TRIM24: variants seen among roughly 807,000 people sequenced by gnomAD.
TRIM24 encodes the protein tripartite motif containing 24.
In TRIM24, 29 loss-of-function variants were observed where a neutral mutation model predicts 123.9. That is an observed-to-expected ratio of 0.23 (90% CI 0.17 to 0.32). The LOEUF (loss-of-function observed/expected upper bound fraction) is 0.32, where lower values mean the gene tolerates loss of function less well. Ranked by LOEUF, TRIM24 falls within the 10% of genes least tolerant of loss-of-function variation. The pLI is 1.00. For missense variants in TRIM24, 932 were observed against 1,295.3 expected (o/e 0.72, Z 4.31); for synonymous variants, 456 against 461.1 (o/e 0.99, Z 0.14).
intron 7 of TRIM24, among the ~76,000 whole-genome samples, chr7:138,545,686 G>A (rs530577468): frequency 3.3e-5 from 5 of 152,202 alleles, no homozygotes; most frequent in Non-Finnish European, 7.4e-5. Flanking sequence ...CCAGATCTTG[G>A]TTTCAAAATA....
At chr7:138,500,714 A>T (rs1192998888) in intron 1 of TRIM24, among the ~76,000 whole-genome samples, 2 of 139,598 alleles carry the variant, frequency 1.4e-5, no homozygotes, top group South Asian at 2.1e-4. Context: ...TCTGTACATT[A>T]AAAAAAAAAA....
intron 6 of TRIM24, among the ~76,000 whole-genome samples, chr7:138,534,484 T>G (rs1464210938): frequency 6.6e-6 from 1 of 152,222 alleles, no homozygotes; most frequent in Non-Finnish European, 1.5e-5. Flanking sequence ...CAGTAGTCAT[T>G]CAGGAGCAGG....
chr7:138,463,043 GTTTTTTTTTTTT>G (rs57719141), intron 1 of TRIM24, among the ~76,000 whole-genome samples: 5 of 60,132 alleles, frequency 8.3e-5, no homozygotes, highest in Admixed American at 2.5e-4. Flanking sequence ...CTAATTTTGT[GTTTTTTTTTTTT>G]TTTTTTTTTT....
At chr7:138,572,298 C>T (rs1797673380) in intron 11 of TRIM24, among the ~76,000 whole-genome samples, 1 of 152,104 alleles carries the variant, frequency 6.6e-6, no homozygotes, top group Non-Finnish European at 1.5e-5. Flanking sequence ...ACAAAGTAAA[C>T]AACTTTCCTT....
intron 2 of TRIM24, among the ~76,000 whole-genome samples, chr7:138,508,706 T>TGTGCGCGCGCGC (rs1242798785): frequency 3.7e-5 from 1 of 26,944 alleles, no homozygotes; most frequent in African/African-American, 1.2e-4. Flanking sequence ...CGCGCGTGTG[T>TGTGCGCGCGCGC]GCGTGTGTGT....
Position 138,587,220 on chromosome 7 carries a change from G to A in TRIM24, c.*2269G>A, listed in dbSNP as rs1006906338. 2 of 152,114 alleles carry A rather than the reference G, an allele frequency of 1.3e-5. No individual in the cohort carries two copies. The highest frequency in any genetic ancestry group is 4.8e-5 in the African/African-American group (2 of 41,418). The allele number at this position is 152,114 out of a possible 1,614,324, so 9.4% of individuals were successfully genotyped here. A position where few individuals can be genotyped will look rare whatever the true frequency, so the allele number is the denominator to read the frequency against. On this transcript the variant is annotated 3_prime_UTR_variant, in exon 19 of 19. Transcript: ENST00000343526. ...ATACAAAAATTAGCCGGACATGGTGGCGTGCAACTGTAATCCCAACTACTC... is the reference window on the plus strand; with the variant it reads ...ATACAAAAATTAGCCGGACATGGTGACGTGCAACTGTAATCCCAACTACTC...
rs1244651836 is a variant in TRIM24 at position 138,460,446 on chromosome 7, C to A, written c.-103C>A. On this transcript the variant is annotated 5_prime_UTR_variant, in exon 1 of 19. Coordinates refer to ENST00000343526, the MANE Select transcript of TRIM24 (RefSeq NM_015905.3). ...CCTCGCTGGCGCTGCCGCGAGTCCA[C>A]CGAGCGGCCTCTGAGGAGCAGCCGC... The A allele has an allele frequency of 2.5e-6, 3 of 1,182,474 alleles. No homozygotes were observed. The highest frequency in any genetic ancestry group is 3.2e-6 in the Non-Finnish European group (3 of 940,642). 73.2% of individuals were successfully genotyped at this position (1,182,474 alleles called of 1,614,324 possible).
chr7:138,490,799 C>T (rs552388821), intron 1 of TRIM24: 8 of 486,184 alleles, frequency 1.6e-5, no homozygotes, highest in Admixed American at 8.8e-5. Context: ...CAGTGCTATC[C>T]GGAATCAATG....
rs1797984574 is a variant in TRIM24, at chr7:138,585,026, T to G, written c.*75T>G. 7.7e-7 allele frequency: 1 copy of G among 1,298,422 alleles called. No homozygotes were observed. The highest frequency in any genetic ancestry group is 2.3e-5 in the Admixed American group (1 of 42,908). The allele number at this position is 1,298,422 out of a possible 1,614,324, so 80.4% of individuals were successfully genotyped here. ...AAAAACATTTGTCAGTAATTTAACA[T>G]CACTACAAAAAGAAGAGTTTGTGAC... On this transcript the variant is annotated 3_prime_UTR_variant, in exon 19 of 19. Transcript: ENST00000343526.
intron 7 of TRIM24, among the ~76,000 whole-genome samples, chr7:138,544,779 C>A (rs2116619429): frequency 1.3e-5 from 2 of 152,296 alleles, no homozygotes; most frequent in East Asian, 3.9e-4. Flanking sequence ...TGTGGAACAT[C>A]TTTTCATATG....
At chr7:138,550,641 C>A (rs1584733959) in intron 7 of TRIM24, among the ~76,000 whole-genome samples, 1 of 152,108 alleles carries the variant, frequency 6.6e-6, no homozygotes, top group Non-Finnish European at 1.5e-5. Context: ...CAAGGAGAAC[C>A]ACCTCACTCA....
chr7:138,573,691 T>G (rs1166287400), intron 12 of TRIM24, 49 bp downstream of exon 12: 6 of 1,571,500 alleles, frequency 3.8e-6, no homozygotes, highest in Non-Finnish European at 5.2e-6. Context: ...TAGTTTTCAC[T>G]TTACTTGGAA....
At chr7:138,472,758 A>G (rs1795299343) in intron 1 of TRIM24, among the ~76,000 whole-genome samples, 1 of 152,224 alleles carries the variant, frequency 6.6e-6, no homozygotes, top group African/African-American at 2.4e-5. Flanking sequence ...GAAACAAGAT[A>G]AGGACATTGC....
intron 6 of TRIM24, among the ~76,000 whole-genome samples, chr7:138,533,683 T>G (rs1563050161): frequency 6.6e-6 from 1 of 152,216 alleles, no homozygotes; most frequent in African/African-American, 2.4e-5. Flanking sequence ...TCTCTTTTTT[T>G]GTTGTGTCTC....
At chr7:138,479,040 T>A (rs1316166279) in intron 1 of TRIM24, among the ~76,000 whole-genome samples, 1 of 152,174 alleles carries the variant, frequency 6.6e-6, no homozygotes, top group Non-Finnish European at 1.5e-5. Flanking sequence ...AATTCTCCTT[T>A]CTACATCTCA....
chr7:138,579,885 T>C (rs190413686), intron 15 of TRIM24, among the ~76,000 whole-genome samples: 92 of 152,148 alleles, frequency 6.0e-4, no homozygotes, highest in African/African-American at 2.1e-3. Context: ...CTTGCACCAC[T>C]GCACCCCAGA....
At position 138,587,477 on chromosome 7, in the gene TRIM24, T is replaced by C. The variant is rs1798040581; in HGVS notation, c.*2526T>C. 1 of 152,210 alleles carries C rather than the reference T, an allele frequency of 6.6e-6. No homozygotes were observed. Among genetic ancestry groups the C allele is most frequent in the African/African-American group, 2.4e-5 (1 of 41,454 alleles). 9.4% of individuals were successfully genotyped at this position (152,210 alleles called of 1,614,324 possible). A position where few individuals can be genotyped will look rare whatever the true frequency, so the allele number is the denominator to read the frequency against. ...CAGGTGGATCTCAGCTAAGTCATCC[T>C]TAAATTCTGTTCAAATAGAAATAAA... On this transcript the variant is annotated 3_prime_UTR_variant, in exon 19 of 19. Coordinates refer to ENST00000343526, the MANE Select transcript of TRIM24 (RefSeq NM_015905.3).
At chr7:138,583,806 T>C (rs1176273982) in intron 17 of TRIM24, 44 bp from the exon 18 acceptor site, 1 of 1,326,110 alleles carries the variant, frequency 7.5e-7, no homozygotes, top group Non-Finnish European at 1.0e-6. Flanking sequence ...TAGGACAAGG[T>C]GGAATTTAGC....
At chr7:138,555,066 A>T (rs968246355) in intron 9 of TRIM24, 100 bp downstream of exon 9, 27 of 1,236,506 alleles carry the variant, frequency 2.2e-5, no homozygotes, top group Non-Finnish European at 3.0e-5. Flanking sequence ...TACTCTAAAT[A>T]TCTGCATTTA....
Sources: gnomAD v4.1 joint callset for allele counts (sites outside exome capture counted in the v4.1 genomes callset) on GRCh38, gnomAD v4.1.1 for gene constraint, MANE v1.5 for transcripts, NCBI Gene and HGNC (gene_info 2026-07-23, HGNC 2026-07-21) for gene names.